Variants in CCSER2 observed in about 807,000 individuals in gnomAD.
CCSER2 encodes serine-rich coiled-coil domain-containing protein 2.
A neutral mutation model predicts 92.3 loss-of-function variants in CCSER2; 46 were observed. That is an observed-to-expected ratio of 0.50 (90% CI 0.39 to 0.64). CCSER2 has a LOEUF of 0.64. Ranked by LOEUF, CCSER2 falls within the 30% of genes least tolerant of loss-of-function variation. The pLI is 0.00. For missense variants in CCSER2, 1,244 were observed against 1,238.9 expected, an observed-to-expected ratio of 1.00 and a Z score of -0.06; for synonymous variants, 433 against 431.4, an observed-to-expected ratio of 1.00 and a Z score of -0.04.
Position 84,419,054 on chromosome 10 carries a change from C to T in CCSER2, c.1705+1193C>T, listed in dbSNP as rs975860314. Among the ~76,000 whole-genome samples, 9 of 151,842 alleles carry T rather than the reference C, an allele frequency of 5.9e-5. No homozygotes were observed. The East Asian group carries it at 1.5e-3, about 26-fold the overall frequency. On this transcript the variant is annotated intron_variant, in intron 4 of 9. Coordinates refer to ENST00000372088, the MANE Select transcript of CCSER2 (RefSeq NM_001284240.2). ...AATAACAAAAAATATTTTACTAAAACGTAAGATTTACAGAAGTTTCCAGAT... is the reference window on the plus strand; with the variant it reads ...AATAACAAAAAATATTTTACTAAAATGTAAGATTTACAGAAGTTTCCAGAT...
At position 84,368,884 on chromosome 10, in the gene CCSER2, G is replaced by A. The variant is rs898562017; in HGVS notation, c.-39-2130G>A. On this transcript the variant is annotated intron_variant, in intron 1 of 9. Coordinates refer to ENST00000372088, the MANE Select transcript of CCSER2 (RefSeq NM_001284240.2). ...TCTCCAGTGTCCATTATTCCTCTCT[G>A]TATGCCTTTGCATACCCATAACTTA... Among the ~76,000 whole-genome samples, 16 of 151,962 alleles carry A rather than the reference G, an allele frequency of 1.1e-4. No individual in the cohort carries two copies. In the East Asian group the frequency reaches 1.7e-3, roughly 16 times the overall value.
At chr10:84,373,874 G>A in intron 3 of CCSER2, 59 bp downstream of exon 3, 1 of 1,598,600 alleles carries the variant, frequency 6.3e-7, no homozygotes, top group Non-Finnish European at 8.5e-7. Context: ...AGAGAGACTT[G>A]TGATATGATT....
intron 1 of CCSER2, among the ~76,000 whole-genome samples, chr10:84,349,489 A>G (rs1427973342): frequency 1.3e-5 from 2 of 151,976 alleles, no homozygotes; most frequent in African/African-American, 4.8e-5. Context: ...CAACATACTG[A>G]GACCACACTC....
chr10:84,465,351 G>A (rs1846354419), intron 7 of CCSER2, among the ~76,000 whole-genome samples: 2 of 117,960 alleles, frequency 1.7e-5, no homozygotes, highest in African/African-American at 6.8e-5. Context: ...TTTAGACGGA[G>A]CCTTGCTCTG....
intron 3 of CCSER2, among the ~76,000 whole-genome samples, chr10:84,378,476 C>T (rs1846460526): frequency 6.8e-6 from 1 of 146,214 alleles, no homozygotes; most frequent in Non-Finnish European, 1.5e-5. Context: ...CTCTTCTCAC[C>T]CAGGCTGGAG....
intron 6 of CCSER2, 74 bp from the exon 7 acceptor site, chr10:84,463,859 G>T: frequency 9.9e-7 from 1 of 1,009,508 alleles, no homozygotes. Flanking sequence ...ATTTGGTCTG[G>T]GTAAATTCAG....
chr10:84,458,005 C>T (rs1389207950), intron 6 of CCSER2, among the ~76,000 whole-genome samples: 1 of 151,858 alleles, frequency 6.6e-6, no homozygotes, highest in Non-Finnish European at 1.5e-5. Flanking sequence ...CTTCGGCCTC[C>T]CAAAAGGCTG....
chr10:84,367,733 A>G (rs1335628257), intron 1 of CCSER2, among the ~76,000 whole-genome samples: 1 of 129,952 alleles, frequency 7.7e-6, no homozygotes, highest in African/African-American at 2.9e-5. Context: ...TTTCAAATTC[A>G]TTGTTCTTCT....
intron 9 of CCSER2, among the ~76,000 whole-genome samples, chr10:84,485,665 A>G (rs1384960890): frequency 6.6e-6 from 1 of 152,160 alleles, no homozygotes; most frequent in Non-Finnish European, 1.5e-5. Context: ...TGAATATGGT[A>G]TGTCTCTCCA....
At chr10:84,462,632 A>G (rs1846169729) in intron 6 of CCSER2, among the ~76,000 whole-genome samples, 1 of 152,220 alleles carries the variant, frequency 6.6e-6, no homozygotes, top group Admixed American at 6.5e-5. Context: ...TCTTAGATCA[A>G]AGTCTTAATG....
At chr10:84,489,043 A>G (rs1847981716) in intron 9 of CCSER2, among the ~76,000 whole-genome samples, 1 of 152,114 alleles carries the variant, frequency 6.6e-6, no homozygotes, top group East Asian at 1.9e-4. Context: ...ATGTAGTTGC[A>G]CAGTTTTGAG....
chr10:84,471,304 T>C (rs1228440633), intron 8 of CCSER2, among the ~76,000 whole-genome samples: 1 of 151,948 alleles, frequency 6.6e-6, no homozygotes, highest in Non-Finnish European at 1.5e-5. Flanking sequence ...TAGCATAATA[T>C]TACAAATTGA....
chr10:84,479,979 G>A (rs1426631688), intron 9 of CCSER2, among the ~76,000 whole-genome samples: 4 of 152,156 alleles, frequency 2.6e-5, no homozygotes, highest in African/African-American at 9.7e-5. Flanking sequence ...GCCCAGGTTT[G>A]CACTGCATGG....
At chr10:84,390,583 A>G (rs977338585) in intron 3 of CCSER2, among the ~76,000 whole-genome samples, 2 of 152,196 alleles carry the variant, frequency 1.3e-5, no homozygotes, top group East Asian at 3.8e-4. Context: ...TTATGTTACT[A>G]AGCAATAGGA....
chr10:84,437,761 G>A (rs973154652), intron 5 of CCSER2, among the ~76,000 whole-genome samples: 1 of 119,792 alleles, frequency 8.3e-6, no homozygotes, highest in Non-Finnish European at 1.6e-5. Flanking sequence ...TGCCCAGCTT[G>A]GAGTGTAGTG....
chr10:84,370,360 A>G (rs570813348), intron 1 of CCSER2, among the ~76,000 whole-genome samples: 2 of 152,174 alleles, frequency 1.3e-5, no homozygotes, highest in East Asian at 1.9e-4. Context: ...TTGGTTAAGT[A>G]TACCTAGGTA....
At chr10:84,389,358 C>T in intron 3 of CCSER2, 1 of 521,552 alleles carries the variant, frequency 1.9e-6, no homozygotes, top group South Asian at 1.4e-5. Flanking sequence ...GTGATATTTT[C>T]ACCTTGTTTA....
chr10:84,501,840 T>A (rs868593215), intron 9 of CCSER2, among the ~76,000 whole-genome samples: 1,495 of 90,754 alleles, frequency 0.016, 138 homozygotes, highest in South Asian at 0.029. Flanking sequence ...AAAAAATATA[T>A]ATATATATAT....
At chr10:84,445,364 A>C (rs777942967) in intron 6 of CCSER2, among the ~76,000 whole-genome samples, 6 of 152,200 alleles carry the variant, frequency 3.9e-5, no homozygotes, top group African/African-American at 1.4e-4. Flanking sequence ...CATGTTAGCC[A>C]GGATGACCTC....
Sources: allele counts gnomAD v4.1 joint callset (sites outside exome capture counted in the v4.1 genomes callset), GRCh38; gene constraint gnomAD v4.1.1; transcripts MANE v1.5; gene names NCBI Gene and HGNC (gene_info 2026-07-23, HGNC 2026-07-21).